Variants in PKNOX2 observed in about 807,000 individuals in gnomAD.
PKNOX2 encodes the protein homeobox protein PKNOX2.
A neutral mutation model predicts 53.1 loss-of-function variants in PKNOX2; 14 were observed. The observed-to-expected ratio is 0.26, with a 90% CI of 0.17 to 0.41. The LOEUF is 0.41. Ranked by LOEUF, PKNOX2 falls within the 10% of genes least tolerant of loss-of-function variation. The pLI, the probability that PKNOX2 is intolerant of heterozygous loss-of-function variation, is 1.00. For missense variants in PKNOX2, 496 were observed against 602.8 expected (o/e 0.82, Z 1.85); for synonymous variants, 257 against 242.8 (o/e 1.06, Z -0.54).
intron 2 of PKNOX2, among the ~76,000 whole-genome samples, chr11:125,235,422 C>T (rs1262893963): frequency 6.6e-6 from 1 of 152,240 alleles, no homozygotes; most frequent in Non-Finnish European, 1.5e-5. Flanking sequence ...ACCCAGACCC[C>T]AGCCACTATC....
intron 2 of PKNOX2, among the ~76,000 whole-genome samples, chr11:125,326,072 A>ATG (rs937981372): frequency 6.6e-6 from 1 of 152,194 alleles, no homozygotes; most frequent in Non-Finnish European, 1.5e-5. Context: ...CATGATCTCC[A>ATG]TGGGTACAGT....
intron 1 of PKNOX2, among the ~76,000 whole-genome samples, chr11:125,182,015 G>A (rs1827793433): frequency 6.6e-6 from 1 of 152,154 alleles, no homozygotes; most frequent in Non-Finnish European, 1.5e-5. Context: ...TGGCTCTTTG[G>A]GGCTGCACTT....
At chr11:125,290,467 T>C (rs1220297130) in intron 2 of PKNOX2, among the ~76,000 whole-genome samples, 2 of 152,112 alleles carry the variant, frequency 1.3e-5, no homozygotes, top group Non-Finnish European at 2.9e-5. Context: ...TAAGACACAG[T>C]AGTGACTATG....
intron 3 of PKNOX2, among the ~76,000 whole-genome samples, chr11:125,337,686 A>G (rs1025802405): frequency 1.3e-5 from 2 of 152,180 alleles, no homozygotes; most frequent in African/African-American, 4.8e-5. Context: ...GCTTCAGCAC[A>G]GGGAAATCTC....
At chr11:125,179,719 C>T (rs1215335755) in intron 1 of PKNOX2, among the ~76,000 whole-genome samples, 2 of 152,132 alleles carry the variant, frequency 1.3e-5, no homozygotes, top group African/African-American at 4.8e-5. Flanking sequence ...GGAGACCAGG[C>T]CAACATTTGG....
At chr11:125,388,112 T>C (rs983731796) in intron 6 of PKNOX2, among the ~76,000 whole-genome samples, 1 of 151,920 alleles carries the variant, frequency 6.6e-6, no homozygotes, top group Non-Finnish European at 1.5e-5. Context: ...GCCGGGACCA[T>C]GAAACTTGAT....
At chr11:125,320,271 C>T (rs1591526536) in intron 2 of PKNOX2, among the ~76,000 whole-genome samples, 1 of 152,132 alleles carries the variant, frequency 6.6e-6, no homozygotes, top group East Asian at 1.9e-4. Flanking sequence ...ATTAGCACCC[C>T]TCCTTTTCTA....
chr11:125,429,218 TC>T, intron 11 of PKNOX2, 130 bp downstream of exon 11: 1 of 868,698 alleles, frequency 1.2e-6, no homozygotes, highest in Non-Finnish European at 1.8e-6. Context: ...ACCATGCCAG[TC>T]CCCCCATTTA....
At chr11:125,199,538 G>C (rs1938184664) in intron 1 of PKNOX2, among the ~76,000 whole-genome samples, 1 of 152,194 alleles carries the variant, frequency 6.6e-6, no homozygotes, top group South Asian at 2.1e-4. Context: ...GTGGGCTCCT[G>C]GGTTGCTTAA....
At chr11:125,371,152 C>CA (rs1204690218) in intron 5 of PKNOX2, among the ~76,000 whole-genome samples, 1 of 152,154 alleles carries the variant, frequency 6.6e-6, no homozygotes, top group Non-Finnish European at 1.5e-5. Context: ...ACCAGAGCGT[C>CA]ATCTGGACTA....
intron 3 of PKNOX2, among the ~76,000 whole-genome samples, chr11:125,341,005 A>T (rs1278249150): frequency 4.2e-5 from 6 of 141,702 alleles, no homozygotes; most frequent in Non-Finnish European, 7.6e-5. Context: ...AGCCAAGATC[A>T]CACCACTGCA....
At chr11:125,372,219 C>A (rs981660239) in intron 5 of PKNOX2, among the ~76,000 whole-genome samples, 1 of 152,310 alleles carries the variant, frequency 6.6e-6, no homozygotes, top group Non-Finnish European at 1.5e-5. Flanking sequence ...CGATTCGTAG[C>A]ATTTGCTGAT....
intron 12 of PKNOX2, 24 bp from the exon 13 acceptor site, chr11:125,431,142 C>T (rs1345320691): frequency 1.9e-6 from 3 of 1,609,912 alleles, no homozygotes; most frequent in Middle Eastern, 1.6e-4. Flanking sequence ...CCTGCCTCGT[C>T]CTGACCCTTG....
rs1258026081 is a variant in PKNOX2 at position 125,429,047 on chromosome 11, C to A, written c.972C>A (p.Ile324=). The A allele has an allele frequency of 6.2e-7, 1 of 1,613,928 alleles. No homozygotes were observed. Among genetic ancestry groups the A allele is most frequent in the East Asian group, 2.2e-5 (1 of 44,874 alleles). Residue 324 remains isoleucine (I), a synonymous_variant, in exon 11 of 13, where the codon ATC becomes ATA. Coordinates refer to ENST00000298282, the MANE Select transcript of PKNOX2 (RefSeq NM_001382323.2). The part of the protein sequence containing the change: ...PYPTEDEKRQ[I]AAQTNLTLLQ... ...CCACGGAGGATGAGAAGAGGCAGAT[C>A]GCAGCCCAGACCAACCTCACCCTCC...
At chr11:125,411,462 T>TCTCTCTCTCTCTC (rs5742470) in intron 9 of PKNOX2, 9 of 252,718 alleles carry the variant, frequency 3.6e-5, no homozygotes, top group African/African-American at 2.2e-4. Flanking sequence ...TCCTCTGTCT[T>TCTCTCTCTCTCTC]TCTCTCTCTC....
At chr11:125,400,550 G>A (rs1286420611) in intron 7 of PKNOX2, among the ~76,000 whole-genome samples, 2 of 152,116 alleles carry the variant, frequency 1.3e-5, no homozygotes, top group African/African-American at 4.8e-5. Flanking sequence ...AGCCTTCCTG[G>A]GTGGGCCAAT....
At chr11:125,410,967 C>T in intron 9 of PKNOX2, 91 bp downstream of exon 9, 5 of 1,016,690 alleles carry the variant, frequency 4.9e-6, no homozygotes, top group Non-Finnish European at 4.6e-6. Flanking sequence ...ACACGGGTGA[C>T]TCATTGAATC....
intron 1 of PKNOX2, among the ~76,000 whole-genome samples, chr11:125,169,358 T>C (rs757678660): frequency 5.9e-5 from 9 of 152,186 alleles, no homozygotes; most frequent in Non-Finnish European, 1.0e-4. Flanking sequence ...AGGGAGGAGC[T>C]CCACGGGCTG....
chr11:125,231,685 G>A (rs865854573), intron 1 of PKNOX2, among the ~76,000 whole-genome samples: 1 of 152,150 alleles, frequency 6.6e-6, no homozygotes. Context: ...ACAGTGTGTA[G>A]AGATTGCATG....
Sources: gnomAD v4.1 joint callset for allele counts (sites outside exome capture counted in the v4.1 genomes callset) on GRCh38, gnomAD v4.1.1 for gene constraint, MANE v1.5 for transcripts, NCBI Gene and HGNC (gene_info 2026-07-23, HGNC 2026-07-21) for gene names.